MROH2B: variants seen among roughly 807,000 people sequenced by gnomAD.
MROH2B encodes maestro heat-like repeat-containing protein family member 2B.
MROH2B carries 177 observed loss-of-function variants against 208.6 expected under a neutral mutation model. That is an observed-to-expected ratio of 0.85 (90% confidence interval 0.75 to 0.96). The LOEUF (loss-of-function observed/expected upper bound fraction) is 0.96, where lower values mean the gene tolerates loss of function less well. Ranked by LOEUF, MROH2B falls within the 40% of genes least tolerant of loss-of-function variation. MROH2B has a pLI of 0.00. For synonymous variants in MROH2B, 728 were observed against 659.0 expected, an observed-to-expected ratio of 1.10 and a Z score of -1.60; for missense variants, 2,002 against 1,878.7, an observed-to-expected ratio of 1.07 and a Z score of -1.21.
Position 41,008,630 on chromosome 5 carries a change from T to C in MROH2B, c.3584A>G (p.Gln1195Arg). Reference protein sequence around the residue: ...HRRHVMQQGEQQQIPDPCRLS... With the variant: ...HRRHVMQQGERQQIPDPCRLS... ...CCTGCAGGGGTCTGGGATCTGCTGCTGTTCTCCCTGCTGCATCACATGCCG... is the reference window on the plus strand; with the variant it reads ...CCTGCAGGGGTCTGGGATCTGCTGCCGTTCTCCCTGCTGCATCACATGCCG... The change falls in exon 33 of 42, where the codon CAG (glutamine) becomes CGG (arginine). Residue 1195 changes from glutamine to arginine, a missense_variant. Transcript: ENST00000399564. 1.9e-6 allele frequency: 3 copies of C among 1,613,864 alleles called. No individual in the cohort carries two copies. Among genetic ancestry groups the C allele is most frequent in the Non-Finnish European group, 2.5e-6 (3 of 1,179,826 alleles).
chr5:41,028,813 A>G (rs1244822615), intron 24 of MROH2B, among the ~76,000 whole-genome samples: 1 of 152,164 alleles, frequency 6.6e-6, no homozygotes, highest in Non-Finnish European at 1.5e-5. Context: ...TTAAAAAGCC[A>G]TAGGGGTACA....
At chr5:41,030,902 T>G (rs1742546697) in intron 24 of MROH2B, among the ~76,000 whole-genome samples, 1 of 152,110 alleles carries the variant, frequency 6.6e-6, no homozygotes, top group South Asian at 2.1e-4. Context: ...TTATTTATTT[T>G]GCCACAATTA....
intron 19 of MROH2B, among the ~76,000 whole-genome samples, chr5:41,040,192 T>C (rs1488719027): frequency 6.6e-6 from 1 of 152,176 alleles, no homozygotes; most frequent in Non-Finnish European, 1.5e-5. Context: ...TTTTAAAGAA[T>C]CATTCTGTTC....
intron 22 of MROH2B, 76 bp from the exon 23 acceptor site, chr5:41,033,236 T>G: frequency 1.3e-6 from 2 of 1,551,514 alleles, no homozygotes; most frequent in South Asian, 2.3e-5. Context: ...TGACCTAGCT[T>G]TGAAATATGT....
At chr5:41,021,567 T>C (rs6879386) in intron 24 of MROH2B, among the ~76,000 whole-genome samples, 91,775 of 152,034 alleles carry the variant, frequency 0.6, 28,193 homozygotes, top group Non-Finnish European at 0.66. Flanking sequence ...ATCAAAATAG[T>C]ATGTAACTGG....
In MROH2B at chr5:41,004,782, G is replaced by C. The variant is rs574301377; in HGVS notation, c.4003C>G (p.Pro1335Ala). The C allele has an allele frequency of 1.2e-6, 2 of 1,612,798 alleles. No individual in the cohort carries two copies. The highest frequency in any genetic ancestry group is 3.3e-5 in the Admixed American group (2 of 59,712). ...CTTAAAACGCCTTTTACCTTGTGAG[G>C]AGCCCCGGATGCTGTGTTGCCGAGC... is the stretch of plus-strand genomic sequence containing the variant. ...RGLGNTASGA[P>A]HKVKKHKQLM... The change falls in exon 36 of 42, where the codon CCT (proline) becomes GCT (alanine). Residue 1335 changes from proline to alanine, a missense_variant. Physicochemically the swap from Pro to Ala is conservative, Grantham distance 27. Coordinates refer to ENST00000399564, the MANE Select transcript of MROH2B (RefSeq NM_173489.5).
chr5:41,042,811 G>A (rs1309983654), intron 18 of MROH2B, among the ~76,000 whole-genome samples: 1 of 152,088 alleles, frequency 6.6e-6, no homozygotes, highest in Non-Finnish European at 1.5e-5. Flanking sequence ...CACCATGTTG[G>A]CGAGGCTGAT....
At chr5:41,062,106 TAG>T (rs1340854548) in intron 5 of MROH2B, among the ~76,000 whole-genome samples, 1 of 148,870 alleles carries the variant, frequency 6.7e-6, no homozygotes, top group East Asian at 1.9e-4. Context: ...CTTATGTATA[TAG>T]CCATTAGACG....
In MROH2B at chr5:41,018,442, A is replaced by G; in HGVS notation, c.2674-12T>C. The G allele has an allele frequency of 6.2e-7, 1 of 1,608,916 alleles. No individual in the cohort carries two copies. The highest frequency in any genetic ancestry group is 2.2e-5 in the East Asian group (1 of 44,850). ...CACATTTGGAGAAGCTGTTGGTCAA[A>G]GAATAAATGTTCTTTCCTTAGTATT... On this transcript the variant is annotated splice_polypyrimidine_tract_variant and intron_variant, in intron 26 of 41. Transcript: ENST00000399564.
intron 21 of MROH2B, among the ~76,000 whole-genome samples, chr5:41,038,458 T>C (rs1019886054): frequency 6.6e-6 from 1 of 152,210 alleles, no homozygotes; most frequent in African/African-American, 2.4e-5. Context: ...TCCCATATGT[T>C]CTCATTTCCC....
At chr5:41,004,251 G>T (rs774041810) in intron 37 of MROH2B, 95 bp downstream of exon 37, 19 of 1,417,136 alleles carry the variant, frequency 1.3e-5, no homozygotes, top group Non-Finnish European at 1.4e-5. Context: ...AAGGAATATG[G>T]GTGGGACACT....
At chr5:41,022,045 G>A (rs895493289) in intron 24 of MROH2B, among the ~76,000 whole-genome samples, 7 of 152,166 alleles carry the variant, frequency 4.6e-5, no homozygotes, top group African/African-American at 1.7e-4. Context: ...ACAGCATGAT[G>A]TTATAAGATA....
chr5:41,027,358 C>T (rs1742403513), intron 24 of MROH2B, among the ~76,000 whole-genome samples: 1 of 152,070 alleles, frequency 6.6e-6, no homozygotes, highest in Non-Finnish European at 1.5e-5. Context: ...ATCAAACAAC[C>T]CCATCAAAAA....
chr5:41,042,172 A>G lies in MROH2B; in HGVS notation c.1873T>C (p.Cys625Arg), dbSNP rs200631985. 192 of 1,591,630 alleles carry G rather than the reference A, an allele frequency of 1.2e-4. No individual in the cohort carries two copies. Among genetic ancestry groups the G allele is most frequent in the South Asian group, 1.2e-3 (102 of 87,064 alleles). The part of the protein sequence containing the change: ...LWKALGTTLA[C>R]CQDSDFVNSQ... The stretch of plus-strand genomic sequence containing the variant: ...TTTACAAAGTCTGAATCTTGGCAGC[A>G]TGCTAAGGTGGTTCCCAAGGCTTTC... The change falls in exon 19 of 42, where the codon TGC (cysteine) becomes CGC (arginine). Residue 625 changes from cysteine (C) to arginine (R), a missense_variant. Transcript: ENST00000399564.
intron 37 of MROH2B, among the ~76,000 whole-genome samples, chr5:41,002,102 A>G (rs183265031): frequency 4.6e-5 from 7 of 152,320 alleles, no homozygotes; most frequent in African/African-American, 1.7e-4. Flanking sequence ...TTTTTAAAAG[A>G]TACCTCTTTA....
At position 41,000,543 on chromosome 5, in the gene MROH2B, T is replaced by C. The variant is rs1380284426; in HGVS notation, c.4350+135A>G. 7.5e-6 allele frequency: 10 copies of C among 1,339,174 alleles called. No homozygotes were observed. In the East Asian group the frequency reaches 2.0e-4, roughly 27 times the overall value. 83.0% of individuals were successfully genotyped at this position (1,339,174 alleles called of 1,614,324 possible). ...AAGAGATAGTAAGAAGAACCTAGAA[T>C]TGGAGAAGAGGTTTTCAGGTTCAGC... On this transcript the variant is annotated intron_variant, in intron 38 of 41. Transcript: ENST00000399564.
intron 18 of MROH2B, among the ~76,000 whole-genome samples, chr5:41,044,280 A>G (rs1743051012): frequency 6.6e-6 from 1 of 151,036 alleles, no homozygotes; most frequent in Non-Finnish European, 1.5e-5. Context: ...ATCATGTACC[A>G]GCCAACCTCA....
Position 41,057,342 on chromosome 5 carries a change from T to C in MROH2B, c.775A>G (p.Thr259Ala). Residue 259 changes from threonine (T) to alanine (A), a missense_variant, in exon 8 of 42, where the codon ACT becomes GCT. Physicochemically the swap from Thr to Ala is moderately conservative, Grantham distance 58. Coordinates refer to ENST00000399564, the MANE Select transcript of MROH2B (RefSeq NM_173489.5). The part of the protein sequence containing the change: ...HVTQSLKQIL[T>A]AAVLYDIGLP... ...CCAATGTCATAAAGAACTGCTGCAG[T>C]CAGTATTTGTTTTAGGCTCTAAAGT... 6.3e-7 allele frequency: 1 copy of C among 1,577,770 alleles called. No individual in the cohort carries two copies. Among genetic ancestry groups the C allele is most frequent in the South Asian group, 1.2e-5 (1 of 86,056 alleles).
In MROH2B at chr5:41,049,397, C is replaced by T. The variant is rs370196480; in HGVS notation, c.1384G>A (p.Glu462Lys). The T allele has an allele frequency of 3.1e-6, 5 of 1,613,510 alleles. No homozygotes were observed. The highest frequency in any genetic ancestry group is 4.2e-6 in the Non-Finnish European group (5 of 1,179,708). The change falls in exon 14 of 42, where the codon GAA (glutamate) becomes AAA (lysine). Residue 462 changes from glutamate to lysine, a missense_variant. By Grantham distance (56) the Glu-to-Lys change is moderately conservative. Coordinates refer to ENST00000399564, the MANE Select transcript of MROH2B (RefSeq NM_173489.5). ...PRILTFVVPA[E>K]YTEALEPLFS... ...AGGGGCTCCAGAGCTTCTGTGTATTCTGCAGGTACCACAAAAGTCAGGATC... is the reference window on the plus strand; with the variant it reads ...AGGGGCTCCAGAGCTTCTGTGTATTTTGCAGGTACCACAAAAGTCAGGATC...
Sources: gnomAD v4.1 joint callset for allele counts (sites outside exome capture counted in the v4.1 genomes callset) on GRCh38, gnomAD v4.1.1 for gene constraint, MANE v1.5 for transcripts, NCBI Gene and HGNC (gene_info 2026-07-23, HGNC 2026-07-21) for gene names.